GOLM2: variants seen among roughly 807,000 people sequenced by gnomAD.
The protein encoded by GOLM2 is golgi membrane protein 2, also known as protein GOLM2.
GOLM2 carries 26 observed loss-of-function variants against 55.9 expected under a neutral mutation model. The ratio of observed to expected loss-of-function variants is 0.47; its 90% CI spans 0.34 to 0.65. The LOEUF is 0.65. Ranked by LOEUF, GOLM2 falls within the 30% of genes least tolerant of loss-of-function variation. The pLI is 0.01. For synonymous variants in GOLM2, 165 were observed against 194.6 expected (o/e 0.85, Z 1.27); for missense variants, 486 against 531.8 (o/e 0.91, Z 0.85).
chr15:44,388,503 G>A (rs956217405), intron 8 of GOLM2, among the ~76,000 whole-genome samples: 8 of 151,986 alleles, frequency 5.3e-5, no homozygotes, highest in Non-Finnish European at 8.8e-5. Context: ...GTGAAACCCC[G>A]TCTCTACAAA....
intron 1 of GOLM2, among the ~76,000 whole-genome samples, chr15:44,299,116 G>C (rs547925068): frequency 1.3e-5 from 2 of 152,222 alleles, no homozygotes; most frequent in Admixed American, 6.5e-5. Context: ...GTGGGAACAG[G>C]GCTTTGCCAA....
chr15:44,342,123 C>T (rs570860151), intron 6 of GOLM2, among the ~76,000 whole-genome samples: 4 of 152,036 alleles, frequency 2.6e-5, no homozygotes, highest in African/African-American at 9.7e-5. Context: ...TAATTTGGAA[C>T]TGGGAAAAAC....
Position 44,299,453 on chromosome 15 carries a change from C to T in GOLM2, c.327+10097C>T, listed in dbSNP as rs1051028265. On this transcript the variant is annotated intron_variant, in intron 1 of 9. Coordinates refer to ENST00000299957, the MANE Select transcript of GOLM2 (RefSeq NM_138423.4). Reference sequence around the variant, plus strand: ...GATTACAGGCACGCACCACCACACCCAGCTAAATTTTGCATTTTTGATAGA... The same window carrying T: ...GATTACAGGCACGCACCACCACACCTAGCTAAATTTTGCATTTTTGATAGA... 2.0e-5 allele frequency among the ~76,000 whole-genome samples: 3 copies of T among 152,066 alleles called. No homozygotes were observed. In the South Asian group the frequency reaches 6.2e-4, roughly 32 times the overall value.
chr15:44,310,252 A>G (rs956020834), intron 1 of GOLM2, among the ~76,000 whole-genome samples: 1 of 151,906 alleles, frequency 6.6e-6, no homozygotes, highest in Non-Finnish European at 1.5e-5. Flanking sequence ...TACTTTGTGC[A>G]GCATTAATTA....
At chr15:44,297,867 C>CTTT (rs370282797) in intron 1 of GOLM2, among the ~76,000 whole-genome samples, 4 of 109,290 alleles carry the variant, frequency 3.7e-5, no homozygotes, top group Non-Finnish European at 5.6e-5. Context: ...CGCACCTGGC[C>CTTT]TTTTTTTTTT....
At chr15:44,349,424 C>G (rs2079146850) in intron 6 of GOLM2, among the ~76,000 whole-genome samples, 1 of 152,064 alleles carries the variant, frequency 6.6e-6, no homozygotes, top group Non-Finnish European at 1.5e-5. Flanking sequence ...ATAAAAGGGT[C>G]AATTCAGCAA....
At chr15:44,293,346 T>C (rs1303287264) in intron 1 of GOLM2, among the ~76,000 whole-genome samples, 2 of 152,246 alleles carry the variant, frequency 1.3e-5, no homozygotes, top group African/African-American at 2.4e-5. Flanking sequence ...TCACAATTAA[T>C]GAACCAGTAT....
intron 2 of GOLM2, among the ~76,000 whole-genome samples, chr15:44,325,799 G>T (rs535150100): frequency 6.6e-6 from 1 of 152,220 alleles, no homozygotes; most frequent in South Asian, 2.1e-4. Flanking sequence ...CATAGCTGGG[G>T]CCAGGGTTTC....
intron 6 of GOLM2, among the ~76,000 whole-genome samples, chr15:44,366,680 A>G (rs1339596801): frequency 6.6e-6 from 1 of 152,108 alleles, no homozygotes; most frequent in East Asian, 1.9e-4. Flanking sequence ...GTGATGTGTG[A>G]GAGGAGGAAA....
chr15:44,323,024 G>T lies in GOLM2; in HGVS notation c.382+5G>T. On this transcript the variant is annotated splice_donor_5th_base_variant and intron_variant, in intron 2 of 9. Coordinates refer to ENST00000299957, the MANE Select transcript of GOLM2 (RefSeq NM_138423.4). ...CAGACATACATCATTTAAAGGGTAAGAACCTTAATTCCAGATTAAAGATAA... is the reference window on the plus strand; with the variant it reads ...CAGACATACATCATTTAAAGGGTAATAACCTTAATTCCAGATTAAAGATAA... 1 of 1,559,790 alleles carries T rather than the reference G, an allele frequency of 6.4e-7. No individual in the cohort carries two copies. The highest frequency in any genetic ancestry group is 1.2e-5 in the South Asian group (1 of 80,506).
intron 1 of GOLM2, among the ~76,000 whole-genome samples, chr15:44,317,852 C>T (rs987521728): frequency 6.6e-6 from 1 of 152,204 alleles, no homozygotes; most frequent in Admixed American, 6.5e-5. Context: ...TCTTACTCAT[C>T]TAGTCACCCC....
chr15:44,310,641 G>A (rs533201085), intron 1 of GOLM2, among the ~76,000 whole-genome samples: 37 of 151,794 alleles, frequency 2.4e-4, no homozygotes, highest in African/African-American at 8.5e-4. Context: ...GGAATTTGAG[G>A]CTGCAGTGAG....
intron 6 of GOLM2, among the ~76,000 whole-genome samples, chr15:44,373,480 G>A (rs1470836797): frequency 6.7e-6 from 1 of 149,992 alleles, no homozygotes; most frequent in African/African-American, 2.5e-5. Context: ...TTTTGGCAGG[G>A]CACAGTGGCT....
intron 4 of GOLM2, among the ~76,000 whole-genome samples, chr15:44,335,086 C>T (rs2079047823): frequency 6.6e-6 from 1 of 151,998 alleles, no homozygotes; most frequent in Non-Finnish European, 1.5e-5. Flanking sequence ...TGAATTGGAT[C>T]CTGAAACAGA....
chr15:44,399,984 GA>G (rs536127113), intron 8 of GOLM2, among the ~76,000 whole-genome samples: 3,752 of 104,910 alleles, frequency 0.036, 48 homozygotes, highest in Middle Eastern at 0.05. Flanking sequence ...GTCTCAAAAA[GA>G]AAAAAAAAAA....
intron 1 of GOLM2, among the ~76,000 whole-genome samples, chr15:44,306,304 CTT>C (rs1194649572): frequency 6.8e-6 from 1 of 147,328 alleles, no homozygotes; most frequent in African/African-American, 2.5e-5. Context: ...ATGGAGATTG[CTT>C]TTTTTTTTTA....
intron 6 of GOLM2, among the ~76,000 whole-genome samples, chr15:44,353,280 C>T (rs1329122219): frequency 6.6e-6 from 1 of 152,122 alleles, no homozygotes; most frequent in Non-Finnish European, 1.5e-5. Flanking sequence ...CCTCATACAC[C>T]ATTGGTGGGA....
intron 6 of GOLM2, among the ~76,000 whole-genome samples, chr15:44,341,124 A>T (rs1304469149): frequency 7.5e-6 from 1 of 133,548 alleles, no homozygotes; most frequent in East Asian, 2.2e-4. Flanking sequence ...TCTGTAGCCC[A>T]GGCTGGAGTG....
At chr15:44,341,493 G>A (rs185430120) in intron 6 of GOLM2, among the ~76,000 whole-genome samples, 29 of 152,180 alleles carry the variant, frequency 1.9e-4, no homozygotes, top group African/African-American at 6.7e-4. Flanking sequence ...GGAAATTCCA[G>A]TGTTTAGGGT....
Sources: gnomAD v4.1 joint callset for allele counts (sites outside exome capture counted in the v4.1 genomes callset) on GRCh38, gnomAD v4.1.1 for gene constraint, MANE v1.5 for transcripts, NCBI Gene and HGNC (gene_info 2026-07-23, HGNC 2026-07-21) for gene names.